METTL6: variants seen among roughly 807,000 people sequenced by gnomAD.
The protein encoded by METTL6 is tRNA N(3)-cytidine methyltransferase METTL6.
In METTL6, 22 loss-of-function variants were observed where a neutral mutation model predicts 26.4. The ratio of observed to expected loss-of-function variants is 0.83; its 90% confidence interval spans 0.59 to 1.19. The LOEUF (loss-of-function observed/expected upper bound fraction) is 1.19, where lower values mean the gene tolerates loss of function less well. Ranked by LOEUF, METTL6 falls within the 50% of genes most tolerant of loss-of-function variation. The pLI, the probability that METTL6 is intolerant of heterozygous loss-of-function variation, is 0.00. For missense variants in METTL6, 304 were observed against 324.8 expected (o/e 0.94, Z 0.49); for synonymous variants, 109 against 116.2 (o/e 0.94, Z 0.40).
intron 6 of METTL6, among the ~76,000 whole-genome samples, chr3:15,387,816 A>G (rs1212539401): frequency 6.8e-6 from 1 of 146,558 alleles, no homozygotes; most frequent in Admixed American, 6.8e-5. Context: ...TGAAAAAAAG[A>G]TTTTTTTTTT....
intron 4 of METTL6, among the ~76,000 whole-genome samples, chr3:15,415,228 A>T (rs1700145906): frequency 6.6e-6 from 1 of 152,258 alleles, no homozygotes; most frequent in Non-Finnish European, 1.5e-5. Context: ...TTCTCATTGT[A>T]TCTTCACCCA....
chr3:15,389,602 C>A (rs112813786), intron 6 of METTL6, among the ~76,000 whole-genome samples: 1 of 151,872 alleles, frequency 6.6e-6, no homozygotes, highest in Non-Finnish European at 1.5e-5. Flanking sequence ...CAGGCTGGAG[C>A]GCAATGGCGC....
At position 15,410,681 on chromosome 3, in the gene METTL6, T is replaced by C. The variant is rs532977841; in HGVS notation, c.*575A>G. On this transcript the variant is annotated 3_prime_UTR_variant, in exon 6 of 6. Transcript: ENST00000383790. ...AAATTGTGGTAAGTGAAACCATGGA[T>C]AAAGCGGGACTACTGTACATGCTCA... Among the ~76,000 whole-genome samples the C allele has an allele frequency of 1.5e-4, 23 of 152,016 alleles. No homozygotes were observed. The highest frequency in any genetic ancestry group is 5.3e-4 in the African/African-American group (22 of 41,454).
intron 6 of METTL6, among the ~76,000 whole-genome samples, chr3:15,404,529 T>TA (rs59060781): frequency 1.4e-5 from 2 of 141,608 alleles, no homozygotes; most frequent in Non-Finnish European, 1.6e-5. Flanking sequence ...TTTTTTTTTT[T>TA]AAGTAGAGAC....
downstream of METTL6, among the ~76,000 whole-genome samples, chr3:15,409,296 C>T (rs1161345356): frequency 6.6e-6 from 1 of 152,176 alleles, no homozygotes; most frequent in East Asian, 1.9e-4. Flanking sequence ...GCAGTCCAGT[C>T]ATGTACTCAA....
intron 6 of METTL6, among the ~76,000 whole-genome samples, chr3:15,401,994 G>T (rs1381475732): frequency 6.6e-6 from 1 of 152,112 alleles, no homozygotes; most frequent in African/African-American, 2.4e-5. Flanking sequence ...CTATGAACTC[G>T]CCCCGAATTC....
downstream of METTL6, among the ~76,000 whole-genome samples, chr3:15,406,381 G>C (rs778100293): frequency 2.6e-5 from 4 of 151,480 alleles, no homozygotes; most frequent in African/African-American, 4.9e-5. Flanking sequence ...AGAACCTAGA[G>C]GCAATGAGAC....
chr3:15,406,595 TA>T (rs1699794478), downstream of METTL6, among the ~76,000 whole-genome samples: 1 of 3,260 alleles, frequency 3.1e-4, no homozygotes, highest in Non-Finnish European at 8.6e-4. Flanking sequence ...GTTATATATA[TA>T]TATATATATA....
downstream of METTL6, among the ~76,000 whole-genome samples, chr3:15,408,653 C>T (rs115370826): frequency 0.018 from 2,766 of 150,634 alleles, 81 homozygotes; most frequent in African/African-American, 0.062. Flanking sequence ...TCCATCGCTA[C>T]AGCCTCCAAC....
chr3:15,384,310 C>A, intron 6 of METTL6: 4 of 207,960 alleles, frequency 1.9e-5, no homozygotes, highest in South Asian at 1.1e-4. Context: ...TTTTAAGCTC[C>A]GCATTAAAAA....
downstream of METTL6, among the ~76,000 whole-genome samples, chr3:15,407,437 T>G (rs1699833471): frequency 6.6e-6 from 1 of 152,218 alleles, no homozygotes; most frequent in African/African-American, 2.4e-5. Flanking sequence ...GAGGAAACTG[T>G]TGGCCCCATT....
chr3:15,401,536 CAAAAAAAAAAAA>C (rs35578326), intron 6 of METTL6, among the ~76,000 whole-genome samples: 1 of 71,860 alleles, frequency 1.4e-5, no homozygotes, highest in Non-Finnish European at 2.7e-5. Flanking sequence ...ATGTTCACGC[CAAAAAAAAAAAA>C]AAAAAAAAAG....
downstream of METTL6, among the ~76,000 whole-genome samples, chr3:15,406,609 TATATATATATATATATATATAGAGAGAG>T (rs1699797850): frequency 1.1e-5 from 1 of 89,282 alleles, no homozygotes; most frequent in South Asian, 4.3e-4. Context: ...TATATATATA[TATATATATATATATATATATAGAGAGAG>T]AGAGAGAGAG....
chr3:15,395,015 T>A (rs1387269157), intron 6 of METTL6, among the ~76,000 whole-genome samples: 1 of 152,248 alleles, frequency 6.6e-6, no homozygotes, highest in Non-Finnish European at 1.5e-5. Context: ...GTCTATTAGG[T>A]CCACTTGGTG....
At chr3:15,386,334 G>A (rs974491468) in intron 6 of METTL6, among the ~76,000 whole-genome samples, 1 of 152,214 alleles carries the variant, frequency 6.6e-6, no homozygotes, top group Non-Finnish European at 1.5e-5. Context: ...TGCTTCCTTG[G>A]AGGACAGAAT....
Position 15,383,313 on chromosome 3 carries a change from C to T in METTL6, c.*886G>A, listed in dbSNP as rs148460141. 11 of 151,946 alleles carry T rather than the reference C, an allele frequency of 7.2e-5. No individual in the cohort carries two copies. In the East Asian group the frequency reaches 1.9e-3, roughly 27 times the overall value. The allele number at this position is 151,946 out of a possible 1,614,324, so 9.4% of individuals were successfully genotyped here. A position where few individuals can be genotyped will look rare whatever the true frequency, so the allele number is the denominator to read the frequency against. On this transcript the variant is annotated 3_prime_UTR_variant, in exon 7 of 7. Transcript: ENST00000443029. ...GATTTTTTAGTTATTCTTCAGAGGG[C>T]AAAGGGGAAGTTTGTTCCTGGCCCC...
At chr3:15,389,008 T>G (rs1415665550) in intron 6 of METTL6, among the ~76,000 whole-genome samples, 1 of 152,044 alleles carries the variant, frequency 6.6e-6, no homozygotes, top group East Asian at 1.9e-4. Flanking sequence ...TATAGGCATA[T>G]GCCACCATGC....
intron 1 of METTL6, 117 bp from the exon 2 acceptor site, chr3:15,426,752 G>C: frequency 3.7e-6 from 2 of 542,154 alleles, no homozygotes; most frequent in Middle Eastern, 4.8e-4. Flanking sequence ...CCCGCTATAT[G>C]AGAGGTCACA....
At chr3:15,407,398 TGG>T (rs1280471974), downstream of METTL6, among the ~76,000 whole-genome samples, 1 of 152,186 alleles carries the variant, frequency 6.6e-6, no homozygotes, top group Admixed American at 6.5e-5. Flanking sequence ...ATTACTCCTG[TGG>T]GTAGAGACAA....
Sources: allele counts gnomAD v4.1 joint callset (sites outside exome capture counted in the v4.1 genomes callset), GRCh38; gene constraint gnomAD v4.1.1; transcripts MANE v1.5; gene names NCBI Gene and HGNC (gene_info 2026-07-23, HGNC 2026-07-21).